Variants in PCCA observed in about 807,000 individuals in gnomAD.
PCCA encodes propionyl-CoA carboxylase alpha chain, mitochondrial.
PCCA carries 74 observed loss-of-function variants against 101.3 expected under a neutral mutation model. The ratio of observed to expected loss-of-function variants is 0.73; its 90% CI spans 0.61 to 0.89. The LOEUF (loss-of-function observed/expected upper bound fraction) is 0.89. Among genes scored for constraint, PCCA ranks in the 40% least tolerant of loss-of-function variants. The probability of loss-of-function intolerance (pLI) is 0.00; values close to 1 mark genes in which losing one functional copy is unlikely to be tolerated. For synonymous variants in PCCA, 294 were observed against 313.6 expected (o/e 0.94, Z 0.66); for missense variants, 891 against 907.0 (o/e 0.98, Z 0.23).
At position 100,097,839 on chromosome 13, in the gene PCCA, C is replaced by T. The variant is rs569105798; in HGVS notation, c.106-5044C>T. Among the ~76,000 whole-genome samples the T allele has an allele frequency of 3.3e-5, 5 of 152,142 alleles. No homozygotes were observed. The East Asian group carries it at 9.6e-4, about 29-fold the overall frequency. ...CCAGCCTGGGGAAAATAGTGAGAAC[C>T]CCCCAGCCGCCCAGTCTCTACAAAA... is the stretch of plus-strand genomic sequence containing the variant. On this transcript the variant is annotated intron_variant, in intron 1 of 23. Transcript: ENST00000376285.
rs2087066441 is a variant in PCCA, at chr13:100,519,410, G to T, written c.2040+3843G>T. On this transcript the variant is annotated intron_variant, in intron 22 of 23. Coordinates refer to ENST00000376285, the MANE Select transcript of PCCA (RefSeq NM_000282.4). ...CGTGATGGAATTGACCTTCAGCAGGGGACAGTGAGGTGTCTGCGGTTGTTC... is the reference window on the plus strand; with the variant it reads ...CGTGATGGAATTGACCTTCAGCAGGTGACAGTGAGGTGTCTGCGGTTGTTC... Among the ~76,000 whole-genome samples the T allele has an allele frequency of 2.6e-5, 4 of 152,250 alleles. No individual in the cohort carries two copies. The South Asian group carries it at 8.3e-4, about 31-fold the overall frequency.
At chr13:100,419,432 A>G (rs1302821977) in intron 19 of PCCA, among the ~76,000 whole-genome samples, 2 of 151,726 alleles carry the variant, frequency 1.3e-5, no homozygotes, top group Non-Finnish European at 2.9e-5. Flanking sequence ...AGATTGTACC[A>G]CTGTACTCTA....
intron 21 of PCCA, among the ~76,000 whole-genome samples, chr13:100,477,895 G>A (rs138431403): frequency 1.1e-4 from 17 of 152,164 alleles, no homozygotes; most frequent in African/African-American, 3.4e-4. Context: ...TTCTTGTCCC[G>A]TCTGCAGAGC....
chr13:100,526,983 CTTG>C (rs1351176122), intron 22 of PCCA, among the ~76,000 whole-genome samples: 2 of 152,202 alleles, frequency 1.3e-5, no homozygotes, highest in African/African-American at 2.4e-5. Flanking sequence ...TGCCTTGTGC[CTTG>C]TTGTGGGTAC....
intron 16 of PCCA, among the ~76,000 whole-genome samples, chr13:100,318,942 G>C (rs943485143): frequency 6.6e-6 from 1 of 152,130 alleles, no homozygotes; most frequent in Non-Finnish European, 1.5e-5. Flanking sequence ...CTAGTTTACA[G>C]TCCCACCAAC....
intron 21 of PCCA, among the ~76,000 whole-genome samples, chr13:100,514,192 AAC>A (rs1212287978): frequency 6.6e-6 from 1 of 152,164 alleles, no homozygotes; most frequent in African/African-American, 2.4e-5. Context: ...TTGATTGCAA[AAC>A]ACACACTCAG....
intron 1 of PCCA, among the ~76,000 whole-genome samples, chr13:100,098,686 G>A (rs1044307063): frequency 1.3e-5 from 2 of 152,202 alleles, no homozygotes; most frequent in African/African-American, 4.8e-5. Context: ...AAGAGTCAAG[G>A]GTGGGATGAT....
chr13:100,156,064 T>C (rs182888465), intron 5 of PCCA, among the ~76,000 whole-genome samples: 10 of 151,612 alleles, frequency 6.6e-5, no homozygotes, highest in African/African-American at 2.2e-4. Flanking sequence ...TTAGTTCAGC[T>C]TTTTTTTTGT....
intron 18 of PCCA, among the ~76,000 whole-genome samples, chr13:100,348,724 T>TTCCC (rs1566975372): frequency 2.5e-5 from 3 of 121,516 alleles, no homozygotes; most frequent in African/African-American, 9.4e-5. Flanking sequence ...TTCCGTTTTT[T>TTCCC]TTCCTTTCTT....
intron 18 of PCCA, among the ~76,000 whole-genome samples, chr13:100,351,354 C>T (rs2073247530): frequency 6.6e-6 from 1 of 152,062 alleles, no homozygotes; most frequent in Non-Finnish European, 1.5e-5. Context: ...AAGTAAAAAA[C>T]TTAAAAAAGG....
chr13:100,469,785 AAAAC>A (rs1296107924), intron 21 of PCCA, among the ~76,000 whole-genome samples: 1 of 152,034 alleles, frequency 6.6e-6, no homozygotes, highest in Non-Finnish European at 1.5e-5. Flanking sequence ...GTCTCAAAAA[AAAAC>A]AAACAAAACA....
intron 21 of PCCA, among the ~76,000 whole-genome samples, chr13:100,483,923 T>C (rs1202565335): frequency 6.6e-6 from 1 of 152,080 alleles, no homozygotes; most frequent in African/African-American, 2.4e-5. Context: ...CCAGAAGGAG[T>C]GCTTTGTGCC....
Position 100,404,636 on chromosome 13 carries a change from C to T in PCCA, c.1747-20997C>T, listed in dbSNP as rs188943790. ...AGTGAGGGAGAGAAGAGAGAGCATC[C>T]TCTTTCCTTTCTTCTATCCTTGCAT... On this transcript the variant is annotated intron_variant, in intron 19 of 23. Coordinates refer to ENST00000376285, the MANE Select transcript of PCCA (RefSeq NM_000282.4). Among the ~76,000 whole-genome samples, 231 of 152,246 alleles carry T rather than the reference C, an allele frequency of 1.5e-3. 1 individual carries two copies. The highest frequency in any genetic ancestry group is 5.3e-3 in the African/African-American group (220 of 41,550).
chr13:100,453,669 C>T (rs2081500692), intron 21 of PCCA, among the ~76,000 whole-genome samples: 1 of 151,868 alleles, frequency 6.6e-6, no homozygotes, highest in South Asian at 2.1e-4. Context: ...GATTTCCTGG[C>T]TCTCAGTTCA....
intron 1 of PCCA, among the ~76,000 whole-genome samples, chr13:100,098,565 G>A (rs963214983): frequency 2.0e-5 from 3 of 152,196 alleles, no homozygotes; most frequent in African/African-American, 4.8e-5. Context: ...GAACATGGTC[G>A]AGATGAGGGT....
chr13:100,268,163 A>G (rs981981039), intron 10 of PCCA, among the ~76,000 whole-genome samples: 1 of 152,192 alleles, frequency 6.6e-6, no homozygotes, highest in East Asian at 1.9e-4. Context: ...AAAAACTATT[A>G]TGTTTGTATA....
chr13:100,194,426 T>G (rs1228567353), intron 6 of PCCA, among the ~76,000 whole-genome samples: 1 of 152,118 alleles, frequency 6.6e-6, no homozygotes, highest in African/African-American at 2.4e-5. Flanking sequence ...TTATTATTAT[T>G]ATTATTTTTG....
chr13:100,458,111 T>G (rs527863107), intron 21 of PCCA, among the ~76,000 whole-genome samples: 2 of 152,288 alleles, frequency 1.3e-5, no homozygotes, highest in South Asian at 4.1e-4. Context: ...CTGTCTACTT[T>G]CAGTCCTTTC....
At chr13:100,525,579 T>C (rs111426087) in intron 22 of PCCA, among the ~76,000 whole-genome samples, 2,740 of 152,354 alleles carry the variant, frequency 0.018, 107 homozygotes, top group African/African-American at 0.063. Flanking sequence ...CATTTCTTCA[T>C]ATTTGCAGTT....
Sources: gnomAD v4.1 joint callset for allele counts (sites outside exome capture counted in the v4.1 genomes callset) on GRCh38, gnomAD v4.1.1 for gene constraint, MANE v1.5 for transcripts, NCBI Gene and HGNC (gene_info 2026-07-23, HGNC 2026-07-21) for gene names.